Variants in DMD observed in about 807,000 individuals in gnomAD.
The protein encoded by DMD is mutant dystrophin.
In DMD, 63 loss-of-function variants were observed where a neutral mutation model predicts 330.1. That is an observed-to-expected ratio of 0.19 (90% CI 0.16 to 0.24). DMD has a LOEUF of 0.24. DMD is among the 10% of genes least tolerant of loss of function. The pLI is 1.00. For synonymous variants in DMD, 1,223 were observed against 959.8 expected (o/e 1.27, Z -5.07); for missense variants, 3,344 against 2,684.1 (o/e 1.25, Z -5.43).
intron 12 of DMD, among the ~76,000 whole-genome samples, chrX:32,608,303 C>T (rs192066716): frequency 9.1e-6 from 1 of 110,113 alleles, no homozygotes; most frequent in East Asian, 2.9e-4. Context: ...CTTCTCAATT[C>T]GATTTTAAAA....
chrX:32,640,077 A>G (rs2059353909), intron 11 of DMD, among the ~76,000 whole-genome samples: 1 of 108,548 alleles, frequency 9.2e-6, no homozygotes, highest in Non-Finnish European at 1.9e-5. Flanking sequence ...TATATAAGTT[A>G]TTATACAAAA....
In DMD at chrX:31,797,914, A is replaced by G. The variant is rs183534774; in HGVS notation, c.7309+22061T>C. ...GGTTTCAAGAAAACAAAGAATCTTC[A>G]GTGAGAGGAGCTGAAGACAGGCGTG... On this transcript the variant is annotated intron_variant, in intron 50 of 78. Coordinates refer to ENST00000357033, the MANE Select transcript of DMD (RefSeq NM_004006.3). 5.4e-4 allele frequency among the ~76,000 whole-genome samples: 61 copies of G among 112,226 alleles called. 2 individuals carry two copies. Among genetic ancestry groups the G allele is most frequent in the Non-Finnish European group, 1.9e-5 (1 of 53,261 alleles).
intron 1 of DMD, among the ~76,000 whole-genome samples, chrX:33,183,298 A>T (rs2050085275): frequency 9.0e-6 from 1 of 111,263 alleles, no homozygotes; most frequent in Non-Finnish European, 1.9e-5. Flanking sequence ...AAAGGAGAAA[A>T]TTTTTCTAAG....
chrX:32,069,312 A>C (rs1294598677), intron 44 of DMD, among the ~76,000 whole-genome samples: 1 of 111,884 alleles, frequency 8.9e-6, no homozygotes, highest in Non-Finnish European at 1.9e-5. Flanking sequence ...ATAAAATAAA[A>C]GCTAAATCTA....
chrX:33,249,449 C>A (rs753533924), intron 1 of DMD, among the ~76,000 whole-genome samples: 3 of 112,299 alleles, frequency 2.7e-5, no homozygotes, highest in Non-Finnish European at 5.6e-5. Flanking sequence ...CCATGCCTGG[C>A]CAATTGCTCT....
chrX:31,590,556 C>T (rs2076819930), intron 55 of DMD, among the ~76,000 whole-genome samples: 1 of 111,534 alleles, frequency 9.0e-6, no homozygotes, highest in African/African-American at 3.2e-5. Context: ...AAAAACAAGA[C>T]TTTCATTCTA....
intron 50 of DMD, among the ~76,000 whole-genome samples, chrX:31,799,971 C>T (rs1354362251): frequency 8.8e-6 from 1 of 113,015 alleles, no homozygotes; most frequent in African/African-American, 3.2e-5. Flanking sequence ...AAGAGGTGGG[C>T]TCCCATGGCC....
chrX:31,892,245 A>T (rs1463492), intron 47 of DMD, among the ~76,000 whole-genome samples: 17,199 of 111,723 alleles, frequency 0.15, 1,009 homozygotes, highest in Admixed American at 0.25. Flanking sequence ...ACAAAAATTT[A>T]AAAAATGGAA....
In DMD at chrX:31,773,904, G is replaced by GA. The variant is rs2090499679; in HGVS notation, c.7542+55dup. On this transcript the variant is annotated intron_variant, in intron 51 of 78. Coordinates refer to ENST00000357033, the MANE Select transcript of DMD (RefSeq NM_004006.3). ...GTCTAGGAGAGTAAAGTGATTGGTG[G>GA]AAAATCTTCATTTTAAAGAAAAACT... is the stretch of plus-strand genomic sequence containing the variant. 8 of 1,083,111 alleles carry GA rather than the reference G, an allele frequency of 7.4e-6. No individual in the cohort carries two copies. In the Admixed American group the frequency reaches 1.1e-4, roughly 15 times the overall value. 89.3% of individuals were successfully genotyped at this position (1,083,111 alleles called of 1,213,427 possible).
chrX:32,433,284 G>A (rs1049592074), intron 29 of DMD, among the ~76,000 whole-genome samples: 5 of 111,913 alleles, frequency 4.5e-5, no homozygotes, highest in South Asian at 3.7e-4. Flanking sequence ...AAATGGTCAC[G>A]TGCCTAGGCT....
intron 10 of DMD, among the ~76,000 whole-genome samples, chrX:32,644,597 T>C (rs1487916456): frequency 9.2e-6 from 1 of 108,633 alleles, no homozygotes; most frequent in East Asian, 2.9e-4. Context: ...GAGTTGAAGA[T>C]GGAGGAAAAA....
intron 47 of DMD, among the ~76,000 whole-genome samples, chrX:31,920,889 G>A (rs182337665): frequency 1.2e-3 from 138 of 112,354 alleles, no homozygotes; most frequent in African/African-American, 4.2e-3. Context: ...CAACAATGAA[G>A]TTTCACTATG....
chrX:31,998,511 G>A (rs190051133), intron 44 of DMD, among the ~76,000 whole-genome samples: 1 of 111,698 alleles, frequency 9.0e-6, no homozygotes, highest in African/African-American at 3.2e-5. Flanking sequence ...ATACGTTCTG[G>A]TGGAGAAAAA....
intron 13 of DMD, among the ~76,000 whole-genome samples, chrX:32,575,741 C>T (rs1376719920): frequency 8.9e-6 from 1 of 111,746 alleles, no homozygotes; most frequent in Non-Finnish European, 1.9e-5. Context: ...GTATAAACTA[C>T]ACCATCTACC....
intron 2 of DMD, among the ~76,000 whole-genome samples, chrX:32,981,813 A>G (rs1353355770): frequency 1.8e-5 from 2 of 111,356 alleles, no homozygotes; most frequent in East Asian, 2.8e-4. Flanking sequence ...GGGTATGTCA[A>G]AAGAGAATCT....
chrX:32,251,378 T>C (rs1237577976), intron 43 of DMD, among the ~76,000 whole-genome samples: 1 of 110,633 alleles, frequency 9.0e-6, no homozygotes, highest in Admixed American at 9.7e-5. Flanking sequence ...GTATCTCAAA[T>C]TGAATATAAA....
intron 9 of DMD, among the ~76,000 whole-genome samples, chrX:32,681,531 G>A (rs888270331): frequency 2.7e-5 from 3 of 111,691 alleles, no homozygotes; most frequent in Non-Finnish European, 5.6e-5. Flanking sequence ...CTGCAGCAGG[G>A]TTTATATTGC....
chrX:32,476,597 T>C (rs998366284), intron 21 of DMD, among the ~76,000 whole-genome samples: 17 of 112,126 alleles, frequency 1.5e-4, no homozygotes, highest in Non-Finnish European at 3.8e-5. Context: ...ACAGCAGTAA[T>C]TGCTATCAAG....
chrX:32,754,592 C>T (rs2071262948), intron 7 of DMD, among the ~76,000 whole-genome samples: 1 of 109,817 alleles, frequency 9.1e-6, no homozygotes, highest in Non-Finnish European at 1.9e-5. Context: ...TCTCTTCAAC[C>T]TGATGAGACC....
Sources: allele counts gnomAD v4.1 joint callset (sites outside exome capture counted in the v4.1 genomes callset), GRCh38; gene constraint gnomAD v4.1.1; transcripts MANE v1.5; gene names NCBI Gene and HGNC (gene_info 2026-07-23, HGNC 2026-07-21).